Variants in SS18L1 observed in about 807,000 individuals in gnomAD.
SS18L1 encodes SS18L1 subunit of BAF chromatin remodeling complex.
Under a neutral mutation model 70.3 loss-of-function variants are expected in SS18L1, and 32 were observed. That is an observed-to-expected ratio of 0.46 (90% confidence interval 0.34 to 0.61). The LOEUF is 0.61. Among genes scored for constraint, SS18L1 ranks in the 20% least tolerant of loss-of-function variants. The pLI is 0.01. For missense variants in SS18L1, 430 were observed against 542.1 expected, an observed-to-expected ratio of 0.79 and a Z score of 2.05; for synonymous variants, 237 against 229.7, an observed-to-expected ratio of 1.03 and a Z score of -0.29.
chr20:62,175,893 A>G (rs1266122868), intron 10 of SS18L1, among the ~76,000 whole-genome samples: 4 of 152,088 alleles, frequency 2.6e-5, no homozygotes, highest in Non-Finnish European at 5.9e-5. Flanking sequence ...CACAGATGTC[A>G]GGAGGGCTCT....
chr20:62,166,187 C>A (rs943594658), intron 8 of SS18L1, among the ~76,000 whole-genome samples: 1 of 152,250 alleles, frequency 6.6e-6, no homozygotes, highest in African/African-American at 2.4e-5. Context: ...TAAAGATGGC[C>A]CCCAGAGAAG....
intron 8 of SS18L1, among the ~76,000 whole-genome samples, chr20:62,166,541 C>T (rs6062098): frequency 0.12 from 18,071 of 151,746 alleles, 1,260 homozygotes; most frequent in South Asian, 0.23. Flanking sequence ...TCACGGTGTG[C>T]GCTACGAATG....
chr20:62,152,072 G>C (rs1324686596), intron 1 of SS18L1, among the ~76,000 whole-genome samples: 2 of 151,936 alleles, frequency 1.3e-5, no homozygotes, highest in African/African-American at 4.8e-5. Flanking sequence ...ACACATGCCT[G>C]TTTCCTCCAT....
In SS18L1 at chr20:62,180,039, T is replaced by G. The variant is rs2057684826; in HGVS notation, c.*831T>G. 4.6e-6 allele frequency: 1 copy of G among 217,626 alleles called. No individual in the cohort carries two copies. The highest frequency in any genetic ancestry group is 9.2e-6 in the Non-Finnish European group (1 of 108,304). The allele number at this position is 217,626 out of a possible 1,614,324, so 13.5% of individuals were successfully genotyped here. The stretch of plus-strand genomic sequence containing the variant: ...AGATTACTCTGGCTTTGACCCTTGT[T>G]TAGCTGATGGTCATTTCTGGGATTG... On this transcript the variant is annotated 3_prime_UTR_variant, in exon 11 of 11. Coordinates refer to ENST00000331758, the MANE Select transcript of SS18L1 (RefSeq NM_198935.3).
chr20:62,167,038 G>GTTGTTTTTTTT (rs2057445231), intron 8 of SS18L1, among the ~76,000 whole-genome samples: 1 of 110,970 alleles, frequency 9.0e-6, no homozygotes, highest in African/African-American at 4.6e-5. Context: ...TCAGGAGTTT[G>GTTGTTTTTTTT]TTTGTTTTTT....
In SS18L1 at chr20:62,145,792, T is replaced by C. The variant is rs115607262; in HGVS notation, c.69+1903T>C. On this transcript the variant is annotated intron_variant, in intron 1 of 10. Coordinates refer to ENST00000331758, the MANE Select transcript of SS18L1 (RefSeq NM_198935.3). ...GCTTGGTGTTTTGACGGTGAATATATGTACCCAGGGATCTTTTACTGGGAG... is the reference window on the plus strand; with the variant it reads ...GCTTGGTGTTTTGACGGTGAATATACGTACCCAGGGATCTTTTACTGGGAG... Among the ~76,000 whole-genome samples, 663 of 152,274 alleles carry C rather than the reference T, an allele frequency of 4.4e-3. 2 individuals carry two copies. Among genetic ancestry groups the C allele is most frequent in the African/African-American group, 0.013 (556 of 41,554 alleles).
chr20:62,146,465 C>T (rs986475002), intron 1 of SS18L1, among the ~76,000 whole-genome samples: 7 of 152,200 alleles, frequency 4.6e-5, no homozygotes, highest in Non-Finnish European at 8.8e-5. Context: ...CAACAGAAAT[C>T]TATTCCCTCA....
At chr20:62,175,563 T>G in intron 10 of SS18L1, 1 of 554,184 alleles carries the variant, frequency 1.8e-6, no homozygotes, top group Non-Finnish European at 2.3e-6. Context: ...GTCTGGGACA[T>G]TTTTTGGAGC....
At chr20:62,160,271 G>T (rs1003084033) in intron 3 of SS18L1, among the ~76,000 whole-genome samples, 10 of 109,772 alleles carry the variant, frequency 9.1e-5, no homozygotes, top group Non-Finnish European at 1.8e-4. Flanking sequence ...GTGGGGAGAG[G>T]TGGGATGGGG....
intron 1 of SS18L1, among the ~76,000 whole-genome samples, chr20:62,149,322 A>C (rs1002313267): frequency 6.6e-6 from 1 of 152,200 alleles, no homozygotes; most frequent in Non-Finnish European, 1.5e-5. Flanking sequence ...CCTCCATGTG[A>C]TCACAAGAGG....
intron 5 of SS18L1, among the ~76,000 whole-genome samples, chr20:62,163,217 C>G (rs534529263): frequency 3.3e-5 from 5 of 152,244 alleles, no homozygotes; most frequent in African/African-American, 1.2e-4. Context: ...GGCCCTGGGT[C>G]TGGACAGACA....
chr20:62,165,531 C>G lies in SS18L1; in HGVS notation c.916+17C>G. 6.2e-7 allele frequency: 1 copy of G among 1,604,118 alleles called. No individual in the cohort carries two copies. Among genetic ancestry groups the G allele is most frequent in the South Asian group, 1.1e-5 (1 of 89,906 alleles). On this transcript the variant is annotated intron_variant, in intron 8 of 10. Coordinates refer to ENST00000331758, the MANE Select transcript of SS18L1 (RefSeq NM_198935.3). ...ATGAGGGGGGTAAGGAGCACGGCTG[C>G]GTGCTGGGCTCGAGCGTAAGCGCCA...
chr20:62,156,788 C>T (rs2057230982), intron 1 of SS18L1, among the ~76,000 whole-genome samples: 1 of 152,244 alleles, frequency 6.6e-6, no homozygotes, highest in African/African-American at 2.4e-5. Flanking sequence ...AGGTGGGCTC[C>T]TCCTCCCCTT....
intron 1 of SS18L1, among the ~76,000 whole-genome samples, chr20:62,151,450 T>A (rs2057127652): frequency 6.6e-6 from 1 of 152,168 alleles, no homozygotes; most frequent in Non-Finnish European, 1.5e-5. Flanking sequence ...GTGCTGGGCT[T>A]GGCCCTGGGC....
At chr20:62,173,691 G>A (rs2057571143) in intron 9 of SS18L1, among the ~76,000 whole-genome samples, 1 of 151,882 alleles carries the variant, frequency 6.6e-6, no homozygotes, top group South Asian at 2.1e-4. Flanking sequence ...CTAGGCGATA[G>A]AGTGAGACGA....
Position 62,166,087 on chromosome 20 carries a change from C to A in SS18L1, c.916+573C>A, listed in dbSNP as rs558714623. 3.4e-4 allele frequency among the ~76,000 whole-genome samples: 52 copies of A among 152,372 alleles called. No homozygotes were observed. The East Asian group carries it at 5.4e-3, about 16-fold the overall frequency. ...CCCCTTTCTGTGGTGTCTGTGCCCC[C>A]ACCCTGGCTGCCCTGAAACCCCAAC... is the stretch of plus-strand genomic sequence containing the variant. On this transcript the variant is annotated intron_variant, in intron 8 of 10. Coordinates refer to ENST00000331758, the MANE Select transcript of SS18L1 (RefSeq NM_198935.3).
intron 6 of SS18L1, 103 bp downstream of exon 6, chr20:62,163,725 G>A (rs550754062): frequency 2.5e-5 from 35 of 1,384,584 alleles, no homozygotes; most frequent in Admixed American, 5.5e-5. Flanking sequence ...GGAGTGAGGC[G>A]GGGAGCCTGG....
rs1225474641 is a variant in SS18L1 at position 62,181,668 on chromosome 20, TTTAATGA to T, written c.*2466_*2472del. The T allele has an allele frequency of 4.6e-6, 1 of 216,882 alleles. No individual in the cohort carries two copies. Among genetic ancestry groups the T allele is most frequent in the Non-Finnish European group, 9.3e-6 (1 of 107,648 alleles). 13.4% of individuals were successfully genotyped at this position (216,882 alleles called of 1,614,324 possible). ...ATACATGATTTTTGGTGTTAATATA[TTTAATGA>T]TTAATAACAGAATGTTTATTTAATG... On this transcript the variant is annotated 3_prime_UTR_variant, in exon 11 of 11. Coordinates refer to ENST00000331758, the MANE Select transcript of SS18L1 (RefSeq NM_198935.3).
At chr20:62,149,357 C>T (rs2057087757) in intron 1 of SS18L1, among the ~76,000 whole-genome samples, 2 of 152,234 alleles carry the variant, frequency 1.3e-5, no homozygotes, top group African/African-American at 2.4e-5. Context: ...GGAGAAGGTG[C>T]CATGGATGAT....
Sources: allele counts gnomAD v4.1 joint callset (sites outside exome capture counted in the v4.1 genomes callset), GRCh38; gene constraint gnomAD v4.1.1; transcripts MANE v1.5; gene names NCBI Gene and HGNC (gene_info 2026-07-23, HGNC 2026-07-21).